Variants in B4GALNT3 observed in about 807,000 individuals in gnomAD.
B4GALNT3 encodes the protein beta-1,4-N-acetylgalactosaminyltransferase 3.
Under a neutral mutation model 120.2 loss-of-function variants are expected in B4GALNT3, and 86 were observed. That is an observed-to-expected ratio of 0.72 (90% CI 0.60 to 0.86). The LOEUF is 0.86. Among genes scored for constraint, B4GALNT3 ranks in the 40% least tolerant of loss-of-function variants. B4GALNT3 has a pLI of 0.00. For missense variants in B4GALNT3, 1,167 were observed against 1,298.9 expected (o/e 0.90, Z 1.56); for synonymous variants, 518 against 510.4 (o/e 1.01, Z -0.20).
chr12:501,078 T>C (rs1450232378), intron 1 of B4GALNT3, among the ~76,000 whole-genome samples: 3 of 151,980 alleles, frequency 2.0e-5, no homozygotes, highest in Admixed American at 6.6e-5. Flanking sequence ...TTTCACCATA[T>C]AGGCCAGGCT....
chr12:558,736 T>G (rs1947189846), intron 18 of B4GALNT3, 75 bp downstream of exon 18: 1 of 1,500,602 alleles, frequency 6.7e-7, no homozygotes, highest in Non-Finnish European at 9.1e-7. Flanking sequence ...CTGGGAACAG[T>G]CATATCTATG....
intron 1 of B4GALNT3, among the ~76,000 whole-genome samples, chr12:505,539 C>T (rs1019425959): frequency 1.3e-5 from 2 of 152,182 alleles, no homozygotes; most frequent in African/African-American, 4.8e-5. Flanking sequence ...CAAGAATTGG[C>T]GCTTGCTGAG....
intron 1 of B4GALNT3, among the ~76,000 whole-genome samples, chr12:502,484 G>A (rs1250453027): frequency 6.6e-6 from 1 of 152,150 alleles, no homozygotes; most frequent in Non-Finnish European, 1.5e-5. Context: ...CAGGCAAGAG[G>A]TGTAGGGACA....
Position 545,482 on chromosome 12 carries a change from C to T in B4GALNT3, c.639+13C>T. ...CAGTGTGGGCAAGGTAAGGCCAGCT[C>T]AACCCCGGTCCCTCCCATCTGCTCC... On this transcript the variant is annotated intron_variant, in intron 6 of 19. Coordinates refer to ENST00000266383, the MANE Select transcript of B4GALNT3 (RefSeq NM_173593.4). The T allele has an allele frequency of 6.3e-7, 1 of 1,582,398 alleles. No homozygotes were observed. Among genetic ancestry groups the T allele is most frequent in the South Asian group, 1.2e-5 (1 of 86,850 alleles).
intron 1 of B4GALNT3, among the ~76,000 whole-genome samples, chr12:524,771 A>C (rs564768808): frequency 1.3e-5 from 2 of 152,286 alleles, no homozygotes; most frequent in Non-Finnish European, 2.9e-5. Flanking sequence ...TCATCTGTAA[A>C]ATGGGAATAA....
At chr12:501,327 G>T (rs1031634137) in intron 1 of B4GALNT3, among the ~76,000 whole-genome samples, 5 of 152,208 alleles carry the variant, frequency 3.3e-5, no homozygotes, top group Non-Finnish European at 7.3e-5. Flanking sequence ...AAATGTAAGT[G>T]TGTAACTGAG....
chr12:488,508 A>G (rs1479506488), intron 1 of B4GALNT3, among the ~76,000 whole-genome samples: 1 of 152,216 alleles, frequency 6.6e-6, no homozygotes, highest in Non-Finnish European at 1.5e-5. Context: ...GAATTGCAGC[A>G]TTAATGCAAG....
chr12:533,240 G>C (rs1946825133), intron 1 of B4GALNT3, among the ~76,000 whole-genome samples: 1 of 152,200 alleles, frequency 6.6e-6, no homozygotes, highest in South Asian at 2.1e-4. Flanking sequence ...GTTTTCCCCT[G>C]AGCTCATCCA....
chr12:561,354 C>A lies in B4GALNT3; in HGVS notation c.2900C>A (p.Ala967Glu), dbSNP rs149363012. 101 of 1,613,014 alleles carry A rather than the reference C, an allele frequency of 6.3e-5. No homozygotes were observed. Among genetic ancestry groups the A allele is most frequent in the Non-Finnish European group, 7.9e-5 (93 of 1,179,202 alleles). Reference protein sequence around the residue: ...DWELLDRILQAGLDVERLSLR... With the variant: ...DWELLDRILQEGLDVERLSLR... Reference sequence around the variant, plus strand: ...TTCTCCTCCTCCAGGATACTCCAAGCGGGCCTGGACGTGGAGCGTCTCTCC... The same window carrying A: ...TTCTCCTCCTCCAGGATACTCCAAGAGGGCCTGGACGTGGAGCGTCTCTCC... Residue 967 changes from alanine (A) to glutamate (E), a missense_variant, in exon 20 of 20, where the codon GCG becomes GAG. Ala to Glu is a moderately radical substitution (Grantham distance 107). Coordinates refer to ENST00000266383, the MANE Select transcript of B4GALNT3 (RefSeq NM_173593.4).
chr12:557,547 G>A lies in B4GALNT3; in HGVS notation c.2381-61G>A, dbSNP rs531984326. 7.4e-5 allele frequency: 115 copies of A among 1,545,020 alleles called. No homozygotes were observed. The African/African-American group carries it at 8.2e-4, about 11-fold the overall frequency. On this transcript the variant is annotated intron_variant, in intron 15 of 19. Coordinates refer to ENST00000266383, the MANE Select transcript of B4GALNT3 (RefSeq NM_173593.4). ...TCACCTGGGAGCTGGGGGTGGAGGC[G>A]CTCATCCGCTCATCTTTGCCTTGTC...
chr12:556,083 T>C (rs200388363), intron 14 of B4GALNT3, among the ~76,000 whole-genome samples: 9,626 of 152,124 alleles, frequency 0.063, 711 homozygotes, highest in Admixed American at 0.22. Flanking sequence ...GCACCTGGCA[T>C]TGTGTTTTGT....
chr12:533,101 G>A (rs1409461304), intron 1 of B4GALNT3, among the ~76,000 whole-genome samples: 2 of 152,194 alleles, frequency 1.3e-5, no homozygotes, highest in Non-Finnish European at 2.9e-5. Flanking sequence ...CCTCCCCACA[G>A]TGTAACTCAT....
intron 1 of B4GALNT3, among the ~76,000 whole-genome samples, chr12:521,657 C>T (rs1946710250): frequency 6.6e-6 from 1 of 152,210 alleles, no homozygotes; most frequent in Non-Finnish European, 1.5e-5. Context: ...GCGGCTTGCT[C>T]ACCACGGGGT....
rs1485937560 is a variant in B4GALNT3 at position 553,977 on chromosome 12, G to C, written c.2054G>C (p.Ser685Thr). The change falls in exon 14 of 20, where the codon AGC (serine) becomes ACC (threonine). Residue 685 changes from serine to threonine, a missense_variant. Ser to Thr is a moderately conservative substitution (Grantham distance 58, BLOSUM62 1). Coordinates refer to ENST00000266383, the MANE Select transcript of B4GALNT3 (RefSeq NM_173593.4). The stretch of plus-strand genomic sequence containing the variant: ...TTCTTGAAGAAGCTCAACCAGAGGA[G>C]CCGGGGGTAAGGTAAAGGGCTCTCC... ...RVFLKKLNQR[S>T]RGRYQLQRIV... The C allele has an allele frequency of 1.2e-6, 2 of 1,610,780 alleles. No individual in the cohort carries two copies. Among genetic ancestry groups the C allele is most frequent in the Admixed American group, 1.7e-5 (1 of 59,992 alleles).
chr12:504,455 C>T (rs1276116694), intron 1 of B4GALNT3, among the ~76,000 whole-genome samples: 1 of 151,716 alleles, frequency 6.6e-6, no homozygotes, highest in Non-Finnish European at 1.5e-5. Flanking sequence ...AGCCGCCCCC[C>T]CGCCCCCGAA....
chr12:522,086 G>A (rs959696057), intron 1 of B4GALNT3, among the ~76,000 whole-genome samples: 12 of 151,926 alleles, frequency 7.9e-5, no homozygotes, highest in Non-Finnish European at 1.2e-4. Context: ...TCAAACATGA[G>A]CTTTGCCACC....
At chr12:537,798 G>A (rs1418050414) in intron 3 of B4GALNT3, among the ~76,000 whole-genome samples, 1 of 152,268 alleles carries the variant, frequency 6.6e-6, no homozygotes, top group South Asian at 2.1e-4. Context: ...CTAGCTCATT[G>A]TCTTCATCCA....
intron 1 of B4GALNT3, among the ~76,000 whole-genome samples, chr12:478,515 G>T (rs1262698431): frequency 6.6e-6 from 1 of 152,120 alleles, no homozygotes; most frequent in East Asian, 1.9e-4. Flanking sequence ...AAAGAAATGG[G>T]CAAAAACTAC....
chr12:548,205 C>A lies in B4GALNT3; in HGVS notation c.787-26C>A. 1 of 1,611,910 alleles carries A rather than the reference C, an allele frequency of 6.2e-7. No individual in the cohort carries two copies. The highest frequency in any genetic ancestry group is 8.5e-7 in the Non-Finnish European group (1 of 1,177,932). On this transcript the variant is annotated intron_variant, in intron 8 of 19. Coordinates refer to ENST00000266383, the MANE Select transcript of B4GALNT3 (RefSeq NM_173593.4). This position sits in a 1 kb window ranked among gnomAD's most constrained non-coding sequence, Gnocchi z 4.9. ...AAATCCAGCTACCTCCCACCTTCTGCATCTACCCTCTCTCTCCTCTTCCAG... is the reference window on the plus strand; with the variant it reads ...AAATCCAGCTACCTCCCACCTTCTGAATCTACCCTCTCTCTCCTCTTCCAG...
Sources: allele counts gnomAD v4.1 joint callset (sites outside exome capture counted in the v4.1 genomes callset), GRCh38; gene constraint gnomAD v4.1.1; non-coding constraint Gnocchi (gnomAD v3.1); transcripts MANE v1.5; gene names NCBI Gene and HGNC (gene_info 2026-07-23, HGNC 2026-07-21).